UBR4: variants seen among roughly 807,000 people sequenced by gnomAD.
UBR4 encodes ubiquitin protein ligase E3 component n-recognin 4, also known as E3 ubiquitin-protein ligase UBR4.
UBR4 carries 124 observed loss-of-function variants against 575.6 expected under a neutral mutation model. The ratio of observed to expected loss-of-function variants is 0.22; its 90% CI spans 0.19 to 0.25. The LOEUF (loss-of-function observed/expected upper bound fraction) is 0.25, where lower values mean the gene tolerates loss of function less well. Among genes scored for constraint, UBR4 ranks in the 10% least tolerant of loss-of-function variants. The pLI is 1.00. For synonymous variants in UBR4, 2,455 were observed against 2,473.7 expected, an observed-to-expected ratio of 0.99 and a Z score of 0.22; for missense variants, 4,818 against 6,478.8, an observed-to-expected ratio of 0.74 and a Z score of 8.80.
In UBR4 at chr1:19,085,998, C is replaced by T. The variant is rs79609243; in HGVS notation, c.14813+147G>A. The T allele has an allele frequency of 8.2e-3, 10,509 of 1,284,214 alleles. 81 individuals carry two copies. The highest frequency in any genetic ancestry group is 0.018 in the South Asian group (1,221 of 68,374). 79.6% of individuals were successfully genotyped at this position (1,284,214 alleles called of 1,614,324 possible). A position where few individuals can be genotyped will look rare whatever the true frequency, so the allele number is the denominator to read the frequency against. On this transcript the variant is annotated intron_variant, in intron 101 of 105. Coordinates refer to ENST00000375254, the MANE Select transcript of UBR4 (RefSeq NM_020765.3). Reference sequence around the variant, plus strand: ...CATCCCCCACCCTGTATGCTCTGGACAGCTCCCCAGTCAGCAAGCAGACAG... The same window carrying T: ...CATCCCCCACCCTGTATGCTCTGGATAGCTCCCCAGTCAGCAAGCAGACAG...
chr1:19,117,474 A>T lies in UBR4; in HGVS notation c.10630-60T>A. 1.9e-6 allele frequency: 3 copies of T among 1,558,120 alleles called. No individual in the cohort carries two copies. Among genetic ancestry groups the T allele is most frequent in the Non-Finnish European group, 2.6e-6 (3 of 1,134,746 alleles). On this transcript the variant is annotated intron_variant, in intron 72 of 105. Transcript: ENST00000375254. The surrounding 1 kb of genome is among the most constrained non-coding windows in gnomAD (Gnocchi z 4.0). ...TCAAGACTCGTACTGCCTTTTTAAA[A>T]ATTCATCAGTGTAACCCACTCTTCA...
intron 101 of UBR4, 86 bp from the exon 102 acceptor site, chr1:19,084,784 C>T (rs2076845462): frequency 7.5e-7 from 1 of 1,324,698 alleles, no homozygotes; most frequent in Non-Finnish European, 1.0e-6. Flanking sequence ...TTCCAGTACT[C>T]CCAGGCCTGA....
chr1:19,102,129 A>T (rs1462970359), intron 87 of UBR4, among the ~76,000 whole-genome samples: 1 of 152,262 alleles, frequency 6.6e-6, no homozygotes, highest in Non-Finnish European at 1.5e-5. Context: ...TCTTTAAAAA[A>T]TAAGGTCTTG....
chr1:19,110,712 A>C lies in UBR4; in HGVS notation c.11892+30T>G. ...CAAGGCATGTGAGGGGAAGTCAGAG[A>C]GGACAGCTGGGCCTGCTAGGCCGGC... On this transcript the variant is annotated intron_variant, in intron 79 of 105. Coordinates refer to ENST00000375254, the MANE Select transcript of UBR4 (RefSeq NM_020765.3). The surrounding 1 kb of genome is among the most constrained non-coding windows in gnomAD (Gnocchi z 4.5). 6 of 1,610,076 alleles carry C rather than the reference A, an allele frequency of 3.7e-6. No individual in the cohort carries two copies. The South Asian group carries it at 5.5e-5, about 15-fold the overall frequency.
intron 1 of UBR4, among the ~76,000 whole-genome samples, chr1:19,202,551 G>A (rs2092793037): frequency 6.6e-6 from 1 of 152,114 alleles, no homozygotes; most frequent in African/African-American, 2.4e-5. Context: ...CATATGATCA[G>A]TGCTAAAGTC....
At chr1:19,158,793 G>A (rs1159438172) in intron 39 of UBR4, among the ~76,000 whole-genome samples, 2 of 151,968 alleles carry the variant, frequency 1.3e-5, no homozygotes, top group Non-Finnish European at 2.9e-5. Flanking sequence ...TAAAATGCCA[G>A]AATATATATG....
Position 19,164,790 on chromosome 1 carries a change from T to G in UBR4, c.4511+9A>C. 1 of 1,612,504 alleles carries G rather than the reference T, an allele frequency of 6.2e-7. No homozygotes were observed. Among genetic ancestry groups the G allele is most frequent in the Non-Finnish European group, 8.5e-7 (1 of 1,178,578 alleles). ...CTAGGGAAACACGACAGAAATGTAG[T>G]TGTTCTACCTGTTTTCCCGAACAAT... On this transcript the variant is annotated intron_variant, in intron 32 of 105. Coordinates refer to ENST00000375254, the MANE Select transcript of UBR4 (RefSeq NM_020765.3).
chr1:19,086,299 G>A (rs766112041), intron 100 of UBR4, 29 bp from the exon 101 acceptor site: 9 of 1,442,896 alleles, frequency 6.2e-6, no homozygotes, highest in East Asian at 6.2e-5. Flanking sequence ...AGGGACAAGC[G>A]ACTGCTGGCA....
At chr1:19,118,070 T>A in intron 71 of UBR4, 160 bp from the exon 72 acceptor site, 2 of 611,116 alleles carry the variant, frequency 3.3e-6, no homozygotes, top group South Asian at 4.0e-5. Context: ...GAAATCCCAA[T>A]AGGGTTACGA....
At chr1:19,200,300 A>C (rs2092684350) in intron 2 of UBR4, among the ~76,000 whole-genome samples, 1 of 152,000 alleles carries the variant, frequency 6.6e-6, no homozygotes, top group African/African-American at 2.4e-5. Flanking sequence ...AAAATCTCAT[A>C]ATGTTTTAAG....
At chr1:19,092,446 A>G (rs552620626) in intron 97 of UBR4, among the ~76,000 whole-genome samples, 3 of 151,522 alleles carry the variant, frequency 2.0e-5, no homozygotes, top group African/African-American at 7.3e-5. Context: ...TGCGGAGTGG[A>G]ATGGGTGGGA....
In UBR4 at chr1:19,077,594, G is replaced by A. The variant is rs373725519; in HGVS notation, c.15324+382C>T. Among the ~76,000 whole-genome samples, 35 of 152,258 alleles carry A rather than the reference G, an allele frequency of 2.3e-4. No individual in the cohort carries two copies. The East Asian group carries it at 5.0e-3, about 22-fold the overall frequency. On this transcript the variant is annotated intron_variant, in intron 104 of 105. Transcript: ENST00000375254. ...ACTAAAAAAACAAAATTAGCCGGGC[G>A]TGGTGGTGCCTGCCTGTAATCCCAG...
At chr1:19,086,098 C>G (rs964580657) in intron 101 of UBR4, 47 bp downstream of exon 101, 1 of 1,604,858 alleles carries the variant, frequency 6.2e-7, no homozygotes, top group East Asian at 2.2e-5. Context: ...TTGTCCCATC[C>G]CCTGCAAATC....
chr1:19,154,595 T>TC (rs2086193176), intron 44 of UBR4, among the ~76,000 whole-genome samples: 3 of 152,324 alleles, frequency 2.0e-5, no homozygotes, highest in African/African-American at 7.2e-5. Flanking sequence ...AGAATGAGTG[T>TC]CTAAGAGAAA....
chr1:19,096,640 T>G lies in UBR4; in HGVS notation c.13401A>C (p.Glu4467Asp). Residue 4467 changes from glutamate (E) to aspartate (D), a missense_variant, in exon 92 of 106, where the codon GAA (glutamate) becomes GAC (aspartate). Glu to Asp is a conservative substitution (Grantham distance 45). Transcript: ENST00000375254. ...CCATTTTATACACTTCTTCTTCATC[T>G]TCTTCTTCATCTAGGGGAGAAGGGA... is the stretch of plus-strand genomic sequence containing the variant. The part of the protein sequence containing the change: ...ESLDSTTDEE[E>D]DEEEVYKMAG... 1 of 1,613,534 alleles carries G rather than the reference T, an allele frequency of 6.2e-7. No individual in the cohort carries two copies. Among genetic ancestry groups the G allele is most frequent in the Non-Finnish European group, 8.5e-7 (1 of 1,179,780 alleles).
chr1:19,197,849 T>G (rs2092552708), intron 6 of UBR4, 38 bp from the exon 7 acceptor site: 1 of 1,612,916 alleles, frequency 6.2e-7, no homozygotes, highest in African/African-American at 1.3e-5. Context: ...AAACAGGCCT[T>G]TGTCTGATGC....
intron 18 of UBR4, among the ~76,000 whole-genome samples, chr1:19,178,557 A>G: frequency 6.6e-6 from 1 of 152,246 alleles, no homozygotes; most frequent in East Asian, 1.9e-4. Context: ...AAAGCCTTTT[A>G]GGAAAACAAA....
Position 19,187,476 on chromosome 1 carries a change from G to A in UBR4, c.1459C>T (p.Leu487Phe), listed in dbSNP as rs1291049970. ...GCCTCCACTTGTAGGTCTTGAAAGAGAGACGTTAGCAGTTTGATGGCATGG... is the reference window on the plus strand; with the variant it reads ...GCCTCCACTTGTAGGTCTTGAAAGAAAGACGTTAGCAGTTTGATGGCATGG... ...ANHAIKLLTS[L>F]FQDLQVEALH... is the part of the protein sequence containing the mutation. Residue 487 changes from leucine to phenylalanine, a missense_variant, in exon 12 of 106, where the codon CTC becomes TTC. This residue lies in a region of UBR4 where 162 missense variants were observed against 216.4 expected (regional missense o/e 0.75). Transcript: ENST00000375254. 6.2e-7 allele frequency: 1 copy of A among 1,614,018 alleles called. No homozygotes were observed. The highest frequency in any genetic ancestry group is 8.5e-7 in the Non-Finnish European group (1 of 1,180,022).
In UBR4 at chr1:19,147,943, T is replaced by C. The variant is rs201113127; in HGVS notation, c.7629+50A>G. 4.4e-6 allele frequency: 7 copies of C among 1,588,820 alleles called. No homozygotes were observed. The African/African-American group carries it at 6.7e-5, about 15-fold the overall frequency. On this transcript the variant is annotated intron_variant, in intron 51 of 105. Transcript: ENST00000375254. Reference sequence around the variant, plus strand: ...TGCTTTACAATGAAAAGCTAACTTATTTGATTCCCTGTCAGCACTGCAATT... The same window carrying C: ...TGCTTTACAATGAAAAGCTAACTTACTTGATTCCCTGTCAGCACTGCAATT...
Sources: gnomAD v4.1 joint callset for allele counts (sites outside exome capture counted in the v4.1 genomes callset) on GRCh38, gnomAD v4.1.1 for gene constraint, gnomAD v4.1.1 regional missense constraint, Gnocchi (gnomAD v3.1) non-coding constraint, MANE v1.5 for transcripts, NCBI Gene and HGNC (gene_info 2026-07-23, HGNC 2026-07-21) for gene names.